The following MMP26 variants were observed in gnomAD, a reference collection of about 807,000 sequenced individuals.
MMP26 encodes the protein matrix metalloproteinase-26.
Under a neutral mutation model 31.0 loss-of-function variants are expected in MMP26, and 33 were observed. The ratio of observed to expected loss-of-function variants is 1.06; its 90% confidence interval spans 0.81 to 1.42. The LOEUF (loss-of-function observed/expected upper bound fraction) is 1.42. MMP26 is among the 40% of genes most tolerant of loss of function. The pLI is 0.00. For synonymous variants in MMP26, 122 were observed against 114.9 expected, an observed-to-expected ratio of 1.06 and a Z score of -0.40; for missense variants, 347 against 316.1, an observed-to-expected ratio of 1.10 and a Z score of -0.74.
chr11:4,750,224 C>A (rs1436477665), intron 1 of MMP26, among the ~76,000 whole-genome samples: 1 of 152,054 alleles, frequency 6.6e-6, no homozygotes, highest in Non-Finnish European at 1.5e-5. Flanking sequence ...ATTAAAACCA[C>A]AATGGATACC....
At chr11:4,773,802 CT>C (rs2133425399) in intron 2 of MMP26, among the ~76,000 whole-genome samples, 1 of 152,158 alleles carries the variant, frequency 6.6e-6, no homozygotes, top group Non-Finnish European at 1.5e-5. Context: ...ACCTCACCCC[CT>C]GACGGGCCCC....
chr11:4,724,220 A>C, intron 1 of MMP26: 1 of 475,120 alleles, frequency 2.1e-6, no homozygotes, highest in Non-Finnish European at 3.8e-6. Context: ...AACCAGGTGG[A>C]TGGGCCTTTG....
At chr11:4,981,266 G>A (rs945619886) in intron 2 of MMP26, among the ~76,000 whole-genome samples, 16 of 151,880 alleles carry the variant, frequency 1.1e-4, no homozygotes, top group African/African-American at 3.1e-4. Context: ...GTCATACAAC[G>A]CTTAATGATA....
intron 2 of MMP26, chr11:4,822,491 G>A: frequency 1.1e-6 from 1 of 925,640 alleles, no homozygotes; most frequent in Non-Finnish European, 1.5e-6. Context: ...CAATTTATAG[G>A]TTATGTGACA....
rs1414724751 is a variant in MMP26 at position 4,804,103 on chromosome 11, T to A, written c.-145+36762T>A. The A allele has an allele frequency of 4.3e-6, 7 of 1,613,972 alleles. No homozygotes were observed. In the East Asian group the frequency reaches 1.6e-4, roughly 36 times the overall value. On this transcript the variant is annotated intron_variant, in intron 2 of 7. Coordinates refer to ENST00000380390, the MANE Select transcript of MMP26 (RefSeq NM_021801.5). Reference sequence around the variant, plus strand: ...GAGGCAGGCATGGTACTGAATCTCATGAGCATGAAACCAGAATATGGCCAA... The same window carrying A: ...GAGGCAGGCATGGTACTGAATCTCAAGAGCATGAAACCAGAATATGGCCAA...
intron 2 of MMP26, chr11:4,848,631 G>T (rs762845476): frequency 3.1e-6 from 5 of 1,611,680 alleles, no homozygotes; most frequent in Non-Finnish European, 4.2e-6. Flanking sequence ...GGCCAAACGA[G>T]CCACATCTGG....
rs1268871217 is a variant in MMP26, at chr11:4,882,149, C to G, written c.-144-105919C>G. ...GACCATTACGACCCTTCCCACTGTGCTTGGTGTTCTCTGGTTTCATGCCCG... is the reference window on the plus strand; with the variant it reads ...GACCATTACGACCCTTCCCACTGTGGTTGGTGTTCTCTGGTTTCATGCCCG... On this transcript the variant is annotated intron_variant, in intron 2 of 7. Transcript: ENST00000380390. 11 of 1,613,822 alleles carry G rather than the reference C, an allele frequency of 6.8e-6. No individual in the cohort carries two copies. In the African/African-American group the frequency reaches 1.5e-4, roughly 22 times the overall value.
At chr11:4,799,576 T>A (rs575641053) in intron 2 of MMP26, among the ~76,000 whole-genome samples, 2 of 152,252 alleles carry the variant, frequency 1.3e-5, no homozygotes, top group African/African-American at 4.8e-5. Flanking sequence ...GCCCTGGCAC[T>A]TCAAATTTTA....
chr11:4,898,489 T>C (rs1850746729), intron 2 of MMP26, among the ~76,000 whole-genome samples: 1 of 152,158 alleles, frequency 6.6e-6, no homozygotes, highest in African/African-American at 2.4e-5. Context: ...GTCTTTCTTG[T>C]ACCTACTATT....
intron 2 of MMP26, chr11:4,871,883 G>A (rs1050243898): frequency 1.3e-5 from 2 of 152,082 alleles, no homozygotes; most frequent in African/African-American, 4.8e-5. Context: ...ATTGCGTGTT[G>A]AGCCCAGTTC....
intron 2 of MMP26, among the ~76,000 whole-genome samples, chr11:4,983,100 A>G (rs1846837653): frequency 6.6e-6 from 1 of 152,240 alleles, no homozygotes; most frequent in Admixed American, 6.5e-5. Context: ...GCACACCAGT[A>G]ATATGCCATT....
chr11:4,751,567 T>C (rs7952595), intron 1 of MMP26, among the ~76,000 whole-genome samples: 45,461 of 151,998 alleles, frequency 0.3, 7,812 homozygotes, highest in African/African-American at 0.45. Context: ...TTTTAGACTG[T>C]AGAGTATGGG....
At chr11:4,981,439 A>G (rs1846812457) in intron 2 of MMP26, among the ~76,000 whole-genome samples, 1 of 152,162 alleles carries the variant, frequency 6.6e-6, no homozygotes, top group Non-Finnish European at 1.5e-5. Flanking sequence ...TTGTAACACA[A>G]TAGTAAATAT....
chr11:4,782,032 T>C (rs1333912760), intron 2 of MMP26, among the ~76,000 whole-genome samples: 2 of 152,244 alleles, frequency 1.3e-5, no homozygotes. Context: ...GTCTTGGGTA[T>C]GTCTTTATCA....
intron 2 of MMP26, among the ~76,000 whole-genome samples, chr11:4,968,173 A>G (rs902228363): frequency 2.0e-5 from 3 of 152,138 alleles, no homozygotes; most frequent in Non-Finnish European, 4.4e-5. Flanking sequence ...TGATAGCATT[A>G]TATTAGAGCA....
At chr11:4,927,574 G>T (rs1851289912) in intron 2 of MMP26, among the ~76,000 whole-genome samples, 2 of 152,118 alleles carry the variant, frequency 1.3e-5, no homozygotes. Flanking sequence ...GGTTCCCTGT[G>T]ACTAGGGATC....
At chr11:4,767,949 C>T (rs1848653244) in intron 2 of MMP26, among the ~76,000 whole-genome samples, 2 of 152,100 alleles carry the variant, frequency 1.3e-5, no homozygotes, top group East Asian at 1.9e-4. Flanking sequence ...ACCATAAGTT[C>T]GTTTTCAGAA....
rs771233283 is a variant in MMP26, at chr11:4,989,818, C to T, written c.270C>T (p.Thr90=). 6 of 1,612,874 alleles carry T rather than the reference C, an allele frequency of 3.7e-6. No individual in the cohort carries two copies. Among genetic ancestry groups the T allele is most frequent in the Middle Eastern group, 1.6e-4 (1 of 6,084 alleles). The part of the protein sequence containing the change: ...PHCGVPDGSD[T]SISPGRCKWN... ...GTGGGGTGCCTGATGGGTCCGACAC[C>T]TCCATCTCGCCAGGAAGATGCAAGT... Residue 90 remains threonine (T), a synonymous_variant, in exon 4 of 8, where the codon ACC becomes ACT. Transcript: ENST00000380390.
chr11:4,916,182 G>T (rs1262042727), intron 2 of MMP26, among the ~76,000 whole-genome samples: 1 of 152,070 alleles, frequency 6.6e-6, no homozygotes, highest in Non-Finnish European at 1.5e-5. Context: ...TGGGAGGAGG[G>T]AGAATTCAGC....
Sources: gnomAD v4.1 joint callset for allele counts (sites outside exome capture counted in the v4.1 genomes callset) on GRCh38, gnomAD v4.1.1 for gene constraint, MANE v1.5 for transcripts, NCBI Gene and HGNC (gene_info 2026-07-23, HGNC 2026-07-21) for gene names.